Variants in SLC24A2 observed in about 807,000 individuals in gnomAD.
SLC24A2 encodes solute carrier family 24 member 2, also known as sodium/potassium/calcium exchanger 2.
A neutral mutation model predicts 62.0 loss-of-function variants in SLC24A2; 36 were observed. That is an observed-to-expected ratio of 0.58 (90% CI 0.44 to 0.77). The LOEUF (loss-of-function observed/expected upper bound fraction) is 0.77. SLC24A2 is among the 30% of genes least tolerant of loss of function. The probability of loss-of-function intolerance (pLI) is 0.00; values close to 1 mark genes in which losing one functional copy is unlikely to be tolerated. For missense variants in SLC24A2, 846 were observed against 817.9 expected, an observed-to-expected ratio of 1.03 and a Z score of -0.42; for synonymous variants, 358 against 294.0, an observed-to-expected ratio of 1.22 and a Z score of -2.23.
In SLC24A2 at chr9:19,528,149, A is replaced by T. The variant is rs1341950032; in HGVS notation, c.1480-11T>A. On this transcript the variant is annotated splice_polypyrimidine_tract_variant and intron_variant, in intron 8 of 10. Transcript: ENST00000341998. ...AAACTTCCTCGATGACTGAAAGACA[A>T]CCAGGAAGAGTTGAGAATATCAGTG... 1.3e-6 allele frequency: 2 copies of T among 1,539,496 alleles called. No homozygotes were observed. Among genetic ancestry groups the T allele is most frequent in the Non-Finnish European group, 1.8e-6 (2 of 1,126,976 alleles).
At chr9:19,940,536 C>A in the SLC24A2 span, among the ~76,000 whole-genome samples, 26 of 152,112 alleles carry the variant, frequency 1.7e-4, no homozygotes, top group Non-Finnish European at 4.4e-5. Context: ...CTCCCAAATT[C>A]AACCTTTTCT....
At chr9:20,115,190 A>G in the SLC24A2 span, among the ~76,000 whole-genome samples, 2 of 152,128 alleles carry the variant, frequency 1.3e-5, no homozygotes, top group South Asian at 4.1e-4. Flanking sequence ...ACTGCAAACA[A>G]AGGTTATCTT....
At chr9:20,160,045 G>T in the SLC24A2 span, among the ~76,000 whole-genome samples, 9 of 151,248 alleles carry the variant, frequency 6.0e-5, no homozygotes, top group African/African-American at 1.7e-4. Context: ...CTGAACATAA[G>T]ACTCACACCT....
At chr9:19,817,254 A>G in the SLC24A2 span, among the ~76,000 whole-genome samples, 1 of 151,962 alleles carries the variant, frequency 6.6e-6, no homozygotes, top group African/African-American at 2.4e-5. Flanking sequence ...TGGAAGAAGC[A>G]ACTATAGGGA....
chr9:19,658,950 A>G (rs1319540829), intron 2 of SLC24A2, among the ~76,000 whole-genome samples: 1 of 152,132 alleles, frequency 6.6e-6, no homozygotes, highest in Non-Finnish European at 1.5e-5. Context: ...TGCTTTGTAG[A>G]CCCTTGCTGG....
At chr9:20,010,038 T>C in the SLC24A2 span, among the ~76,000 whole-genome samples, 3 of 152,168 alleles carry the variant, frequency 2.0e-5, no homozygotes, top group Non-Finnish European at 4.4e-5. Flanking sequence ...CAATCAGATA[T>C]AATTTCAGTG....
the SLC24A2 span, among the ~76,000 whole-genome samples, chr9:20,058,863 C>T: frequency 4.6e-4 from 70 of 152,258 alleles, no homozygotes; most frequent in African/African-American, 1.4e-3. Flanking sequence ...CCTTTTATTC[C>T]GATAGAATAA....
chr9:20,104,326 T>C, the SLC24A2 span, among the ~76,000 whole-genome samples: 1 of 152,130 alleles, frequency 6.6e-6, no homozygotes, highest in African/African-American at 2.4e-5. Context: ...AGGCCAACAT[T>C]CACATTCAGG....
At chr9:19,924,614 C>T in the SLC24A2 span, among the ~76,000 whole-genome samples, 1 of 152,150 alleles carries the variant, frequency 6.6e-6, no homozygotes, top group Admixed American at 6.5e-5. Flanking sequence ...TGTGACTCCT[C>T]CTTAAGAGCA....
chr9:19,541,988 CCTTT>C (rs1449558059), intron 8 of SLC24A2, among the ~76,000 whole-genome samples: 5 of 152,190 alleles, frequency 3.3e-5, no homozygotes, highest in East Asian at 3.9e-4. Context: ...GTCTGTCACC[CCTTT>C]CTTTGACTCG....
chr9:20,177,563 G>A, the SLC24A2 span, among the ~76,000 whole-genome samples: 1 of 152,034 alleles, frequency 6.6e-6, no homozygotes, highest in South Asian at 2.1e-4. Flanking sequence ...GGAAGTGAGT[G>A]GTATGTTTGG....
At chr9:20,105,053 C>A in the SLC24A2 span, among the ~76,000 whole-genome samples, 1 of 152,134 alleles carries the variant, frequency 6.6e-6, no homozygotes, top group Admixed American at 6.5e-5. Flanking sequence ...CAATCCTATT[C>A]TCTGATAAAA....
the SLC24A2 span, among the ~76,000 whole-genome samples, chr9:19,940,941 G>A: frequency 6.6e-6 from 1 of 152,168 alleles, no homozygotes; most frequent in African/African-American, 2.4e-5. Context: ...CTTTCAGGGA[G>A]ATAAAGAGAC....
chr9:19,927,923 A>G, the SLC24A2 span: 1 of 152,266 alleles, frequency 6.6e-6, no homozygotes, highest in Non-Finnish European at 1.5e-5. Context: ...AGCTCACAAA[A>G]AGCCTGCCAC....
the SLC24A2 span, among the ~76,000 whole-genome samples, chr9:20,238,183 T>G: frequency 3.9e-5 from 6 of 152,228 alleles, no homozygotes; most frequent in Admixed American, 2.0e-4. Context: ...TGCCAAGTAC[T>G]TTGATACTTT....
At chr9:19,862,904 A>C in the SLC24A2 span, among the ~76,000 whole-genome samples, 8 of 152,186 alleles carry the variant, frequency 5.3e-5, no homozygotes, top group South Asian at 1.7e-3. Flanking sequence ...CCTCCACTGA[A>C]AGGAATATAG....
the SLC24A2 span, among the ~76,000 whole-genome samples, chr9:20,298,588 G>A: frequency 2.6e-5 from 4 of 152,188 alleles, no homozygotes; most frequent in Non-Finnish European, 5.9e-5. Context: ...AACTAGATAC[G>A]TTCTTCCTAA....
At chr9:19,532,752 G>A (rs1833769248) in intron 8 of SLC24A2, among the ~76,000 whole-genome samples, 1 of 152,144 alleles carries the variant, frequency 6.6e-6, no homozygotes, top group Admixed American at 6.6e-5. Flanking sequence ...ACCTTGCTTG[G>A]CACATAGTAG....
At chr9:19,663,415 T>C (rs1819159281) in intron 2 of SLC24A2, among the ~76,000 whole-genome samples, 2 of 152,176 alleles carry the variant, frequency 1.3e-5, no homozygotes, top group South Asian at 2.1e-4. Context: ...GCACAATGCA[T>C]AGCCACAGGT....
Sources: gnomAD v4.1 joint callset for allele counts (sites outside exome capture counted in the v4.1 genomes callset) on GRCh38, gnomAD v4.1.1 for gene constraint, MANE v1.5 for transcripts, NCBI Gene and HGNC (gene_info 2026-07-23, HGNC 2026-07-21) for gene names.